PRTG: variants seen among roughly 807,000 people sequenced by gnomAD.
PRTG encodes the protein immunoglobulin superfamily, DCC subclass, member 5.
A neutral mutation model predicts 122.5 loss-of-function variants in PRTG; 67 were observed. The ratio of observed to expected loss-of-function variants is 0.55; its 90% CI spans 0.45 to 0.67. The LOEUF (loss-of-function observed/expected upper bound fraction) is 0.67. Ranked by LOEUF, PRTG falls within the 30% of genes least tolerant of loss-of-function variation. PRTG has a pLI of 0.00. For missense variants in PRTG, 1,435 were observed against 1,415.4 expected, an observed-to-expected ratio of 1.01 and a Z score of -0.22; for synonymous variants, 554 against 501.1, an observed-to-expected ratio of 1.11 and a Z score of -1.41.
intron 11 of PRTG, among the ~76,000 whole-genome samples, chr15:55,641,712 TTTTG>T (rs1486949882): frequency 2.0e-5 from 3 of 152,222 alleles, no homozygotes; most frequent in Non-Finnish European, 4.4e-5. Context: ...TATAACCATG[TTTTG>T]TTTAAGTTTT....
At chr15:55,677,748 C>T (rs372875531) in intron 8 of PRTG, 49 bp downstream of exon 8, 11 of 1,579,530 alleles carry the variant, frequency 7.0e-6, no homozygotes, top group Middle Eastern at 1.7e-4. Context: ...GAAAACAAAT[C>T]CTTGATAGCA....
At position 55,613,168 on chromosome 15, in the gene PRTG, G is replaced by C. The variant is rs1349975364; in HGVS notation, c.*6844C>G. 1 of 152,040 alleles carries C rather than the reference G, an allele frequency of 6.6e-6. No individual in the cohort carries two copies. Among genetic ancestry groups the C allele is most frequent in the Admixed American group, 6.6e-5 (1 of 15,254 alleles). The allele number at this position is 152,040 out of a possible 1,614,324, so 9.4% of individuals were successfully genotyped here. The stretch of plus-strand genomic sequence containing the variant: ...ACCAAACGATTCTCAAAATTGTCAA[G>C]ATTAGAACTTAGGTGCTCCAAAGCC... On this transcript the variant is annotated 3_prime_UTR_variant, in exon 20 of 20. Coordinates refer to ENST00000389286, the MANE Select transcript of PRTG (RefSeq NM_173814.6).
At chr15:55,655,538 G>T (rs2059374953) in intron 11 of PRTG, 1 of 152,094 alleles carries the variant, frequency 6.6e-6, no homozygotes, top group South Asian at 2.1e-4. Flanking sequence ...TTTCAGTTCA[G>T]AATATTTTTA....
intron 15 of PRTG, among the ~76,000 whole-genome samples, chr15:55,630,866 A>C (rs796923489): frequency 9.9e-5 from 15 of 152,240 alleles, no homozygotes; most frequent in African/African-American, 3.6e-4. Context: ...TTTTTTCCTG[A>C]CTCAGGGCAA....
At chr15:55,625,503 G>A (rs1298051842) in intron 17 of PRTG, among the ~76,000 whole-genome samples, 2 of 151,616 alleles carry the variant, frequency 1.3e-5, no homozygotes, top group African/African-American at 2.4e-5. Context: ...CCAGGGTGGA[G>A]TGCAGTGCTA....
intron 2 of PRTG, among the ~76,000 whole-genome samples, chr15:55,685,257 T>C (rs923416233): frequency 1.3e-5 from 2 of 152,166 alleles, no homozygotes; most frequent in African/African-American, 2.4e-5. Context: ...AATTCTGCCT[T>C]GCACTTGAAC....
intron 11 of PRTG, among the ~76,000 whole-genome samples, chr15:55,657,326 G>C (rs113202101): frequency 3.3e-5 from 5 of 152,126 alleles, no homozygotes; most frequent in Admixed American, 3.3e-4. Flanking sequence ...TTTATAAAAA[G>C]AGTGGACGTG....
chr15:55,637,434 A>G (rs1459640396), intron 14 of PRTG, 94 bp from the exon 15 acceptor site: 2 of 1,028,284 alleles, frequency 1.9e-6, no homozygotes, highest in East Asian at 5.2e-5. Flanking sequence ...AAGTTCAAAA[A>G]ATTAGAAACC....
chr15:55,692,067 T>C (rs11852746), intron 2 of PRTG, among the ~76,000 whole-genome samples: 70,425 of 151,980 alleles, frequency 0.46, 18,529 homozygotes, highest in Middle Eastern at 0.63. Context: ...AAGAAAAAGA[T>C]AGAAAAGTAT....
rs148011047 is a variant in PRTG, at chr15:55,624,505, T to G, written c.2930A>C (p.Lys977Thr). ...CTGTGCCGTCTTGGAAGCAGATGAT[T>G]TCCTAAAACATTGGCAAGAAGAGGA... ...LILIYRSKAR[K>T]SSASKTAQNG... Residue 977 changes from lysine to threonine, a missense_variant and splice_region_variant, in exon 18 of 20, where the codon AAA becomes ACA. Transcript: ENST00000389286. 5,863 of 1,608,494 alleles carry G rather than the reference T, an allele frequency of 3.6e-3. 18 individuals are homozygous for G. Among genetic ancestry groups the G allele is most frequent in the Middle Eastern group, 4.5e-3 (27 of 6,046 alleles).
intron 11 of PRTG, among the ~76,000 whole-genome samples, chr15:55,662,457 C>G (rs185338974): frequency 1.3e-5 from 2 of 152,272 alleles, no homozygotes; most frequent in Admixed American, 1.3e-4. Context: ...CTAGGAGGTT[C>G]CATTTGGAAT....
At chr15:55,623,266 C>A (rs1452796283) in intron 18 of PRTG, among the ~76,000 whole-genome samples, 1 of 151,822 alleles carries the variant, frequency 6.6e-6, no homozygotes, top group Non-Finnish European at 1.5e-5. Context: ...TTGTAAACAA[C>A]CTTTAAAAAT....
intron 8 of PRTG, among the ~76,000 whole-genome samples, chr15:55,676,300 C>T (rs1175121573): frequency 3.3e-5 from 5 of 151,840 alleles, no homozygotes; most frequent in African/African-American, 1.2e-4. Context: ...AAAAAATTCT[C>T]AGCAACTCTT....
intron 2 of PRTG, chr15:55,738,094 T>TATATATATATATATATATATATATATA (rs1555438628): frequency 1.4e-4 from 6 of 42,012 alleles, no homozygotes; most frequent in Non-Finnish European, 2.8e-4. Context: ...ATATATATAT[T>TATATATATATATATATATATATATATA]TACTCTGAAC....
In PRTG at chr15:55,740,730, T is replaced by C. The variant is rs200427323; in HGVS notation, c.95-46A>G. On this transcript the variant is annotated intron_variant, in intron 1 of 19. Transcript: ENST00000389286. ...AACGGCACATCCAGAATTACAGGCA[T>C]AAAATGATTCCTTAACACACAACTG... 9 of 1,503,810 alleles carry C rather than the reference T, an allele frequency of 6.0e-6. No individual in the cohort carries two copies. The South Asian group carries it at 1.0e-4, about 17-fold the overall frequency. 93.2% of individuals were successfully genotyped at this position (1,503,810 alleles called of 1,614,324 possible). A position where few individuals can be genotyped will look rare whatever the true frequency, so the allele number is the denominator to read the frequency against.
chr15:55,652,694 G>T (rs556603893), intron 11 of PRTG, among the ~76,000 whole-genome samples: 1 of 152,140 alleles, frequency 6.6e-6, no homozygotes, highest in South Asian at 2.1e-4. Flanking sequence ...AAAGGGAGCC[G>T]AGTGAAACGC....
At position 55,743,140 on chromosome 15, in the gene PRTG, C is replaced by T. The variant is rs1177577299; in HGVS notation, c.-209G>A. ...AGAAGCAAGGGGCCTGAGAGTCCGGCTGGGGGCGGAGTGAGGCGGCGGCTG... is the reference window on the plus strand; with the variant it reads ...AGAAGCAAGGGGCCTGAGAGTCCGGTTGGGGGCGGAGTGAGGCGGCGGCTG... On this transcript the variant is annotated 5_prime_UTR_variant, in exon 1 of 20. Transcript: ENST00000389286. The T allele has an allele frequency of 1.4e-5, 17 of 1,249,142 alleles. No individual in the cohort carries two copies. The South Asian group carries it at 4.1e-4, about 30-fold the overall frequency. 77.4% of individuals were successfully genotyped at this position (1,249,142 alleles called of 1,614,324 possible).
intron 15 of PRTG, among the ~76,000 whole-genome samples, chr15:55,633,219 T>C (rs1318933609): frequency 6.6e-6 from 1 of 152,064 alleles, no homozygotes; most frequent in Non-Finnish European, 1.5e-5. Context: ...TTACTGCATA[T>C]GAGGAGGGTA....
intron 11 of PRTG, among the ~76,000 whole-genome samples, chr15:55,664,545 T>C (rs1272343934): frequency 2.6e-5 from 4 of 152,344 alleles, no homozygotes; most frequent in Admixed American, 6.5e-5. Flanking sequence ...TATATAGTCA[T>C]ACATATGTAC....
Sources: allele counts gnomAD v4.1 joint callset (sites outside exome capture counted in the v4.1 genomes callset), GRCh38; gene constraint gnomAD v4.1.1; transcripts MANE v1.5; gene names NCBI Gene and HGNC (gene_info 2026-07-23, HGNC 2026-07-21).